UTP15: variants seen among roughly 807,000 people sequenced by gnomAD.
The protein encoded by UTP15 is UTP15 small subunit processome component, also known as U3 small nucleolar RNA-associated protein 15 homolog.
UTP15 carries 5 observed loss-of-function variants against 59.1 expected under a neutral mutation model. That is an observed-to-expected ratio of 0.08 (90% confidence interval 0.04 to 0.18). UTP15 has a LOEUF of 0.18. Ranked by LOEUF, UTP15 falls within the 10% of genes least tolerant of loss-of-function variation. UTP15 has a pLI of 1.00. For synonymous variants in UTP15, 211 were observed against 212.2 expected, an observed-to-expected ratio of 0.99 and a Z score of 0.05; for missense variants, 494 against 616.7, an observed-to-expected ratio of 0.80 and a Z score of 2.11.
rs189901442 is a variant in UTP15 at position 73,578,962 on chromosome 5, G to A, written c.1147-55G>A. On this transcript the variant is annotated intron_variant, in intron 10 of 12. Coordinates refer to ENST00000296792, the MANE Select transcript of UTP15 (RefSeq NM_032175.4). ...AAACTTGATAATTTAGTGCAAGACAGTGATTTTTTTTGTGCTGTTTTGTCT... is the reference window on the plus strand; with the variant it reads ...AAACTTGATAATTTAGTGCAAGACAATGATTTTTTTTGTGCTGTTTTGTCT... 759 of 1,589,748 alleles carry A rather than the reference G, an allele frequency of 4.8e-4. 1 individual carries two copies. The African/African-American group carries it at 9.0e-3, about 19-fold the overall frequency.
intron 6 of UTP15, 35 bp from the exon 7 acceptor site, chr5:73,572,454 C>G: frequency 3.1e-6 from 5 of 1,609,532 alleles, no homozygotes; most frequent in Non-Finnish European, 4.2e-6. Context: ...AATCTGTGGG[C>G]AGAATATCCA....
rs201641632 is a variant in UTP15 at position 73,579,415 on chromosome 5, CA to C, written c.1339+44del. 1.7e-3 allele frequency: 2,540 copies of C among 1,462,606 alleles called. 32 individuals are homozygous for C. In the African/African-American group the frequency reaches 0.031, roughly 18 times the overall value. 90.6% of individuals were successfully genotyped at this position (1,462,606 alleles called of 1,614,324 possible). ...AAACTTGAAAATCCTAACATGCTTG[CA>C]AAAGTAGAGATGTCAAATAATCAAA... On this transcript the variant is annotated intron_variant, in intron 12 of 12. Transcript: ENST00000296792.
chr5:73,576,402 G>A lies in UTP15; in HGVS notation c.810-550G>A, dbSNP rs183822641. On this transcript the variant is annotated intron_variant, in intron 7 of 12. Transcript: ENST00000296792. ...ATTACAGACCTGAGCCACCACACCC[G>A]GCCCTTCTATTTTTTTTATAAGTGG... Among the ~76,000 whole-genome samples, 515 of 151,826 alleles carry A rather than the reference G, an allele frequency of 3.4e-3. 2 individuals carry two copies. The highest frequency in any genetic ancestry group is 0.011 in the African/African-American group (475 of 41,414).
At chr5:73,567,925 C>T (rs1276085966) in intron 2 of UTP15, among the ~76,000 whole-genome samples, 1 of 152,070 alleles carries the variant, frequency 6.6e-6, no homozygotes, top group Non-Finnish European at 1.5e-5. Flanking sequence ...TTTAAAAGTA[C>T]AAGTACGTGG....
At position 73,581,599 on chromosome 5, in the gene UTP15, T is replaced by C. The variant is rs556427708; in HGVS notation, c.*1505T>C. 7.2e-5 allele frequency: 11 copies of C among 152,274 alleles called. No individual in the cohort carries two copies. Among genetic ancestry groups the C allele is most frequent in the African/African-American group, 2.6e-4 (11 of 41,570 alleles). The allele number at this position is 152,274 out of a possible 1,614,324, so 9.4% of individuals were successfully genotyped here. A position where few individuals can be genotyped will look rare whatever the true frequency, so the allele number is the denominator to read the frequency against. On this transcript the variant is annotated 3_prime_UTR_variant, in exon 13 of 13. Coordinates refer to ENST00000296792, the MANE Select transcript of UTP15 (RefSeq NM_032175.4). ...ATCTCCTCTCATAATTTTAGTTCTGTAAATTCAGGGTTTTTTTTTGTTTTT... is the reference window on the plus strand; with the variant it reads ...ATCTCCTCTCATAATTTTAGTTCTGCAAATTCAGGGTTTTTTTTTGTTTTT...
In UTP15 at chr5:73,581,434, A is replaced by C. The variant is rs1378804978; in HGVS notation, c.*1340A>C. The stretch of plus-strand genomic sequence containing the variant: ...TGTTCCTGATAGATAATCATTGGCT[A>C]GTAACTCCTAGTACACTGGTTTCAC... On this transcript the variant is annotated 3_prime_UTR_variant, in exon 13 of 13. Transcript: ENST00000296792. 1 of 152,176 alleles carries C rather than the reference A, an allele frequency of 6.6e-6. No homozygotes were observed. Among genetic ancestry groups the C allele is most frequent in the African/African-American group, 2.4e-5 (1 of 41,452 alleles). The allele number at this position is 152,176 out of a possible 1,614,324, so 9.4% of individuals were successfully genotyped here. A position where few individuals can be genotyped will look rare whatever the true frequency, so the allele number is the denominator to read the frequency against.
Position 73,568,619 on chromosome 5 carries a change from G to C in UTP15, c.368+15G>C. 6.3e-7 allele frequency: 1 copy of C among 1,589,098 alleles called. No homozygotes were observed. Among genetic ancestry groups the C allele is most frequent in the Admixed American group, 1.9e-5 (1 of 52,826 alleles). ...GGCCATACAAAGTAAGAGACAGTTG[G>C]TTTCTGTGTGTTCTGGTTTTATTTT... On this transcript the variant is annotated intron_variant, in intron 4 of 12. Coordinates refer to ENST00000296792, the MANE Select transcript of UTP15 (RefSeq NM_032175.4).
intron 8 of UTP15, 129 bp from the exon 9 acceptor site, chr5:73,577,727 G>A (rs896926362): frequency 9.4e-6 from 7 of 748,180 alleles, no homozygotes. Context: ...GGCAGACTAT[G>A]TGTATTTGAA....
At chr5:73,570,488 C>G in intron 5 of UTP15, 98 bp from the exon 6 acceptor site, 4 of 1,239,488 alleles carry the variant, frequency 3.2e-6, no homozygotes, top group Non-Finnish European at 4.5e-6. Context: ...TTTAAAACTC[C>G]ATCTAAGCTT....
At chr5:73,574,854 G>A (rs1003015953) in intron 7 of UTP15, among the ~76,000 whole-genome samples, 11 of 151,952 alleles carry the variant, frequency 7.2e-5, no homozygotes, top group Non-Finnish European at 1.3e-4. Flanking sequence ...AAAAACTTTA[G>A]TTTTCAGCAT....
chr5:73,568,699 A>G, intron 4 of UTP15, 95 bp downstream of exon 4: 2 of 1,230,508 alleles, frequency 1.6e-6, no homozygotes, highest in Non-Finnish European at 2.2e-6. Context: ...GATCAGTTTT[A>G]TGGAGATTAT....
Position 73,568,508 on chromosome 5 carries a change from A to G in UTP15, c.272A>G (p.Asp91Gly), listed in dbSNP as rs780235965. The change falls in exon 4 of 13, where the codon GAT (aspartate) becomes GGT (glycine). Residue 91 changes from aspartate (D) to glycine (G), a missense_variant. By Grantham distance (94) the Asp-to-Gly change is moderately conservative. Transcript: ENST00000296792. ...GCATACTGTGCTACTTTTCGACAAG[A>G]TGGTAGATTGCTTGTGGCTGGCAGT... Reference protein sequence around the residue: ...DTAYCATFRQDGRLLVAGSED... With the variant: ...DTAYCATFRQGGRLLVAGSED... 2 of 1,614,132 alleles carry G rather than the reference A, an allele frequency of 1.2e-6. No individual in the cohort carries two copies. Among genetic ancestry groups the G allele is most frequent in the Non-Finnish European group, 1.7e-6 (2 of 1,179,986 alleles).
At chr5:73,577,341 CACT>C (rs1380633676) in intron 8 of UTP15, among the ~76,000 whole-genome samples, 1 of 152,116 alleles carries the variant, frequency 6.6e-6, no homozygotes, top group African/African-American at 2.4e-5. Flanking sequence ...TATTATAGTA[CACT>C]AGAAAGGCAG....
At chr5:73,579,226 G>A in intron 11 of UTP15, 76 bp downstream of exon 11, 1 of 1,602,000 alleles carries the variant, frequency 6.2e-7, no homozygotes. Context: ...CATTTAGTTT[G>A]ATCTTTGTAG....
intron 9 of UTP15, 112 bp from the exon 10 acceptor site, chr5:73,578,639 A>G (rs1748200907): frequency 1.1e-6 from 1 of 875,574 alleles, no homozygotes; most frequent in East Asian, 2.6e-5. Flanking sequence ...GCATATGAAC[A>G]TTATTTGTGA....
At chr5:73,569,397 C>A in intron 4 of UTP15, 100 bp from the exon 5 acceptor site, 2 of 976,380 alleles carry the variant, frequency 2.0e-6, no homozygotes, top group Non-Finnish European at 2.9e-6. Flanking sequence ...TGAAACTCAG[C>A]TGCTTTTTTT....
In UTP15 at chr5:73,581,745, TTTAAA is replaced by T. The variant is rs1310986980; in HGVS notation, c.*1656_*1660del. The T allele has an allele frequency of 1.0e-3, 127 of 126,786 alleles. 2 individuals carry two copies. Among genetic ancestry groups the T allele is most frequent in the African/African-American group, 3.1e-3 (122 of 39,918 alleles). 7.9% of individuals were successfully genotyped at this position (126,786 alleles called of 1,614,324 possible). A position where few individuals can be genotyped will look rare whatever the true frequency, so the allele number is the denominator to read the frequency against. ...TTTAACATTTAGACTAACATTAACA[TTTAAA>T]TTAATATGTTAAGTGAATATACTTA... is the stretch of plus-strand genomic sequence containing the variant. On this transcript the variant is annotated 3_prime_UTR_variant, in exon 13 of 13. Coordinates refer to ENST00000296792, the MANE Select transcript of UTP15 (RefSeq NM_032175.4).
At chr5:73,574,320 TAA>T (rs879464953) in intron 7 of UTP15, among the ~76,000 whole-genome samples, 4 of 144,122 alleles carry the variant, frequency 2.8e-5, no homozygotes, top group Non-Finnish European at 4.6e-5. Context: ...ACCCTGTCTC[TAA>T]AAAAAAAAAG....
chr5:73,579,383 A>G lies in UTP15; in HGVS notation c.1339+8A>G, dbSNP rs74749948. The G allele has an allele frequency of 3.0e-3, 4,823 of 1,596,466 alleles. 125 individuals are homozygous for G. In the African/African-American group the frequency reaches 0.056, roughly 18 times the overall value. ...CTGCTGAAATAATTATTGGTAAGTCATTGTTAAAACTTGAAAATCCTAACA... is the reference window on the plus strand; with the variant it reads ...CTGCTGAAATAATTATTGGTAAGTCGTTGTTAAAACTTGAAAATCCTAACA... On this transcript the variant is annotated splice_region_variant and intron_variant, in intron 12 of 12. Coordinates refer to ENST00000296792, the MANE Select transcript of UTP15 (RefSeq NM_032175.4).
Sources: gnomAD v4.1 joint callset for allele counts (sites outside exome capture counted in the v4.1 genomes callset) on GRCh38, gnomAD v4.1.1 for gene constraint, MANE v1.5 for transcripts, NCBI Gene and HGNC (gene_info 2026-07-23, HGNC 2026-07-21) for gene names.